FSHR: variants seen among roughly 807,000 people sequenced by gnomAD.
FSHR encodes follicle stimulating hormone receptor.
Under a neutral mutation model 52.1 loss-of-function variants are expected in FSHR, and 46 were observed. The ratio of observed to expected loss-of-function variants is 0.88; its 90% CI spans 0.70 to 1.13. The LOEUF is 1.13. FSHR is among the 50% of genes most tolerant of loss of function. The pLI is 0.00. For missense variants in FSHR, 964 were observed against 834.6 expected (o/e 1.16, Z -1.91); for synonymous variants, 399 against 309.6 (o/e 1.29, Z -3.03).
chr2:49,117,663 C>T (rs773703098), intron 1 of FSHR, among the ~76,000 whole-genome samples: 3 of 152,114 alleles, frequency 2.0e-5, no homozygotes, highest in Non-Finnish European at 4.4e-5. Context: ...TAACTGTGTA[C>T]CAATAAGTTA....
intron 1 of FSHR, among the ~76,000 whole-genome samples, chr2:49,119,489 T>G (rs1382697614): frequency 6.6e-6 from 1 of 152,168 alleles, no homozygotes; most frequent in Non-Finnish European, 1.5e-5. Context: ...TTTAAGCCCA[T>G]CAATTCAATT....
At chr2:49,138,482 G>A (rs951160532) in intron 1 of FSHR, among the ~76,000 whole-genome samples, 1 of 152,060 alleles carries the variant, frequency 6.6e-6, no homozygotes, top group Non-Finnish European at 1.5e-5. Flanking sequence ...ATGGATAAAC[G>A]AAATGTGGCA....
Position 48,963,036 on chromosome 2 carries a change from G to C in FSHR, c.1785C>G (p.Ala595=), listed in dbSNP as rs1366232412. Residue 595 remains alanine (A), a synonymous_variant, in exon 10 of 10, where the codon GCC becomes GCG. Transcript: ENST00000406846. ...CAGTGATGAGGGGCACCTTGAGGGA[G>C]GCAGAAATGGCAAAGAAAGAAATGG... ...MAPISFFAIS[A]SLKVPLITVS... is the part of the protein sequence containing the mutation. The C allele has an allele frequency of 3.1e-6, 5 of 1,614,076 alleles. No individual in the cohort carries two copies. The Admixed American group carries it at 8.3e-5, about 27-fold the overall frequency.
At chr2:48,990,726 A>G in intron 4 of FSHR, 89 bp from the exon 5 acceptor site, 1 of 843,396 alleles carries the variant, frequency 1.2e-6, no homozygotes, top group Non-Finnish European at 2.1e-6. Context: ...TAAAAATATC[A>G]ATTTTGAACC....
intron 2 of FSHR, among the ~76,000 whole-genome samples, chr2:49,060,815 C>T (rs1030720780): frequency 1.3e-5 from 2 of 151,964 alleles, no homozygotes; most frequent in South Asian, 2.1e-4. Context: ...TGTACCCACT[C>T]CCCCCCGGCC....
In FSHR at chr2:48,963,616, C is replaced by T; in HGVS notation, c.1205G>A (p.Cys402Tyr). Residue 402 changes from cysteine (C) to tyrosine (Y), a missense_variant, in exon 10 of 10, where the codon TGC becomes TAC. By Grantham distance (194) the Cys-to-Tyr change is radical (BLOSUM62 -2). Coordinates refer to ENST00000406846, the MANE Select transcript of FSHR (RefSeq NM_000145.4). ...YKLTVPRFLMCNLAFADLCIG... is the reference protein window; with the variant it reads ...YKLTVPRFLMYNLAFADLCIG... ...GCAGAGATCAGCAAAGGCCAGGTTG[C>T]ACATAAGGAACCTGGGGACTGTGAG... The T allele has an allele frequency of 1.9e-6, 3 of 1,614,172 alleles. No individual in the cohort carries two copies. The highest frequency in any genetic ancestry group is 2.5e-6 in the Non-Finnish European group (3 of 1,180,016).
intron 2 of FSHR, among the ~76,000 whole-genome samples, chr2:49,053,605 T>C (rs926496942): frequency 6.6e-6 from 1 of 152,158 alleles, no homozygotes; most frequent in African/African-American, 2.4e-5. Context: ...ATAGGGAGGT[T>C]TGAGATAGTG....
chr2:49,080,970 T>C (rs1043622006), intron 1 of FSHR, among the ~76,000 whole-genome samples: 6 of 152,192 alleles, frequency 3.9e-5, no homozygotes, highest in Non-Finnish European at 5.9e-5. Context: ...TTATTCAAAC[T>C]AGCCAATCTT....
At chr2:49,122,623 A>G (rs573905701) in intron 1 of FSHR, among the ~76,000 whole-genome samples, 6 of 152,110 alleles carry the variant, frequency 3.9e-5, no homozygotes, top group East Asian at 1.9e-4. Context: ...CCCTTTTCCA[A>G]TTTGTCTTGG....
In FSHR at chr2:48,963,230, C is replaced by A; in HGVS notation, c.1591G>T (p.Val531Phe). Residue 531 changes from valine to phenylalanine, a missense_variant, in exon 10 of 10, where the codon GTC (valine) becomes TTC (phenylalanine). Physicochemically the swap from Val to Phe is conservative, Grantham distance 50. Transcript: ENST00000406846. ...DIDSPLSQLY[V>F]MSLLVLNVLA... ...ACATTGAGCACAAGGAGGGACATGACATACAGCTGTGACAAAGGGCTGTCA... is the reference window on the plus strand; with the variant it reads ...ACATTGAGCACAAGGAGGGACATGAAATACAGCTGTGACAAAGGGCTGTCA... 6.2e-7 allele frequency: 1 copy of A among 1,614,140 alleles called. No individual in the cohort carries two copies. Among genetic ancestry groups the A allele is most frequent in the Middle Eastern group, 1.7e-4 (1 of 6,060 alleles).
At chr2:49,023,253 C>T (rs1158643025) in intron 2 of FSHR, among the ~76,000 whole-genome samples, 1 of 152,106 alleles carries the variant, frequency 6.6e-6, no homozygotes, top group Admixed American at 6.6e-5. Context: ...CATGTTTTGT[C>T]GTTGCTTTTT....
intron 2 of FSHR, among the ~76,000 whole-genome samples, chr2:49,048,420 C>T (rs1019308458): frequency 5.3e-5 from 8 of 152,034 alleles, no homozygotes; most frequent in Non-Finnish European, 1.5e-5. Flanking sequence ...TAGGTGCTTT[C>T]GAGGAATATG....
At chr2:49,055,531 C>CAAAAAAA (rs75665223) in intron 2 of FSHR, among the ~76,000 whole-genome samples, 4 of 51,132 alleles carry the variant, frequency 7.8e-5, no homozygotes, top group Non-Finnish European at 1.0e-4. Context: ...CCAGGAAGCT[C>CAAAAAAA]AAAAAAAAAA....
Position 48,983,825 on chromosome 2 carries a change from G to C in FSHR, c.525-659C>G, listed in dbSNP as rs948232653. Among the ~76,000 whole-genome samples, 5 of 152,172 alleles carry C rather than the reference G, an allele frequency of 3.3e-5. No individual in the cohort carries two copies. In the East Asian group the frequency reaches 5.8e-4, roughly 18 times the overall value. On this transcript the variant is annotated intron_variant, in intron 6 of 9. Transcript: ENST00000406846. ...GGTGATCTGAATGAGCAGGGGAGGAGGTTCTGGGGGAGGTGGAGATGGGTG... is the reference window on the plus strand; with the variant it reads ...GGTGATCTGAATGAGCAGGGGAGGACGTTCTGGGGGAGGTGGAGATGGGTG...
At chr2:49,051,306 C>T (rs974462929) in intron 2 of FSHR, among the ~76,000 whole-genome samples, 4 of 152,144 alleles carry the variant, frequency 2.6e-5, no homozygotes, top group Middle Eastern at 3.2e-3. Context: ...TCTCACCAAA[C>T]ATGTAGGAGA....
At chr2:49,032,730 A>G (rs1046096268) in intron 2 of FSHR, among the ~76,000 whole-genome samples, 20 of 152,196 alleles carry the variant, frequency 1.3e-4, no homozygotes, top group Non-Finnish European at 5.9e-5. Context: ...AGATAGAAGG[A>G]GGAGCAGGAT....
At chr2:49,130,740 C>T (rs775720579) in intron 1 of FSHR, among the ~76,000 whole-genome samples, 43 of 152,264 alleles carry the variant, frequency 2.8e-4, no homozygotes, top group African/African-American at 7.7e-4. Context: ...AGGAAAATGA[C>T]ATTCACCCAG....
chr2:49,022,844 G>C (rs1667784132), intron 2 of FSHR, among the ~76,000 whole-genome samples: 1 of 152,150 alleles, frequency 6.6e-6, no homozygotes, highest in South Asian at 2.1e-4. Context: ...TCAGAGATGA[G>C]TCTCTCCTTT....
rs561601396 is a variant in FSHR, at chr2:49,116,364, G to A, written c.152+37902C>T. Among the ~76,000 whole-genome samples the A allele has an allele frequency of 2.6e-3, 397 of 152,272 alleles. 2 individuals carry two copies. The highest frequency in any genetic ancestry group is 8.6e-3 in the African/African-American group (357 of 41,564). ...GGAGTTTGAAGGCTCTGACACTTGCGTTACTTAGAGGCAAGGGGGTAAGGT... is the reference window on the plus strand; with the variant it reads ...GGAGTTTGAAGGCTCTGACACTTGCATTACTTAGAGGCAAGGGGGTAAGGT... On this transcript the variant is annotated intron_variant, in intron 1 of 9. Coordinates refer to ENST00000406846, the MANE Select transcript of FSHR (RefSeq NM_000145.4).
Sources: gnomAD v4.1 joint callset for allele counts (sites outside exome capture counted in the v4.1 genomes callset) on GRCh38, gnomAD v4.1.1 for gene constraint, MANE v1.5 for transcripts, NCBI Gene and HGNC (gene_info 2026-07-23, HGNC 2026-07-21) for gene names.